The following ZNF738 variants were observed in gnomAD, a reference collection of about 807,000 sequenced individuals.
ZNF738 encodes the protein zinc finger protein 738.
Under a neutral mutation model 9.2 loss-of-function variants are expected in ZNF738, and 10 were observed. The ratio of observed to expected loss-of-function variants is 1.09; its 90% CI spans 0.67 to 1.85. ZNF738 has a LOEUF of 1.85. Ranked by LOEUF, ZNF738 falls within the 40% of genes most tolerant of loss-of-function variation. The pLI is 0.00. For missense variants in ZNF738, 346 were observed against 283.6 expected (o/e 1.22, Z -1.58); for synonymous variants, 113 against 94.5 (o/e 1.20, Z -1.14).
chr19:21,386,369 C>A lies in ZNF738; in HGVS notation c.*2695C>A. 1 of 316,260 alleles carries A rather than the reference C, an allele frequency of 3.2e-6. No individual in the cohort carries two copies. The highest frequency in any genetic ancestry group is 3.2e-5 in the South Asian group (1 of 31,270). The allele number at this position is 316,260 out of a possible 1,614,324, so 19.6% of individuals were successfully genotyped here. A position where few individuals can be genotyped will look rare whatever the true frequency, so the allele number is the denominator to read the frequency against. ...CCATGTGGCAAAGCTTTTAATCAAT[C>A]CTCAAACCTTACTAAACATAAGATA... On this transcript the variant is annotated 3_prime_UTR_variant, in exon 5 of 5. Coordinates refer to ENST00000683779, the MANE Select transcript of ZNF738 (RefSeq NM_001355237.2).
In ZNF738 at chr19:21,382,940, A is replaced by G. The variant is rs1326526346; in HGVS notation, c.394A>G (p.Arg132Gly). 1 of 601,226 alleles carries G rather than the reference A, an allele frequency of 1.7e-6. No individual in the cohort carries two copies. The highest frequency in any genetic ancestry group is 3.0e-5 in the East Asian group (1 of 33,080). 37.2% of individuals were successfully genotyped at this position (601,226 alleles called of 1,614,324 possible). ...IKDSFQKVILREYGNYGHKDL... is the reference protein window; with the variant it reads ...IKDSFQKVILGEYGNYGHKDL... ...AGATTCTTTCCAAAAAGTGATACTG[A>G]GAGAATATGGAAATTATGGACATAA... is the stretch of plus-strand genomic sequence containing the variant. Residue 132 changes from arginine to glycine, a missense_variant, in exon 5 of 5, where the codon AGA (arginine) becomes GGA (glycine). Coordinates refer to ENST00000683779, the MANE Select transcript of ZNF738 (RefSeq NM_001355237.2).
chr19:21,369,112 T>G (rs1257179987), intron 2 of ZNF738, among the ~76,000 whole-genome samples: 1 of 152,094 alleles, frequency 6.6e-6, no homozygotes, highest in Non-Finnish European at 1.5e-5. Flanking sequence ...ATCTTTATTT[T>G]ATTTTTGGAG....
At chr19:21,382,336 G>A (rs1974016887) in intron 4 of ZNF738, among the ~76,000 whole-genome samples, 1 of 151,730 alleles carries the variant, frequency 6.6e-6, no homozygotes, top group African/African-American at 2.4e-5. Flanking sequence ...CTGTTTCCTG[G>A]GTTCAAACAA....
At position 21,386,495 on chromosome 19, in the gene ZNF738, A is replaced by T. The variant is rs1568372835; in HGVS notation, c.*2821A>T. 1 of 371,226 alleles carries T rather than the reference A, an allele frequency of 2.7e-6. No homozygotes were observed. The highest frequency in any genetic ancestry group is 5.5e-6 in the Non-Finnish European group (1 of 181,920). 23.0% of individuals were successfully genotyped at this position (371,226 alleles called of 1,614,324 possible). On this transcript the variant is annotated 3_prime_UTR_variant, in exon 5 of 5. Transcript: ENST00000683779. Reference sequence around the variant, plus strand: ...CATAACATAATTCATACTGGAGAGAAACCTCACAACTGTGAAGAATGTGGC... The same window carrying T: ...CATAACATAATTCATACTGGAGAGATACCTCACAACTGTGAAGAATGTGGC...
chr19:21,372,534 A>G (rs1973869640), intron 2 of ZNF738: 1 of 152,202 alleles, frequency 6.6e-6, no homozygotes, highest in Non-Finnish European at 1.5e-5. Context: ...ACATTTTAAG[A>G]TCTTAATTTT....
At chr19:21,369,994 A>G (rs570106672) in intron 2 of ZNF738, among the ~76,000 whole-genome samples, 1 of 152,070 alleles carries the variant, frequency 6.6e-6, no homozygotes, top group African/African-American at 2.4e-5. Context: ...TCGTATTTTT[A>G]GTAGAGATTG....
At chr19:21,364,762 TTTG>T (rs1360246110) in intron 2 of ZNF738, among the ~76,000 whole-genome samples, 13 of 128,572 alleles carry the variant, frequency 1.0e-4, no homozygotes, top group Admixed American at 3.1e-4. Context: ...TTTTTTTTTT[TTTG>T]AGAGGGAGTC....
At position 21,388,136 on chromosome 19, in the gene ZNF738, A is replaced by G. The variant is rs564341073; in HGVS notation, c.*4462A>G. 7.2e-5 allele frequency among the ~76,000 whole-genome samples: 11 copies of G among 152,314 alleles called. No individual in the cohort carries two copies. Among genetic ancestry groups the G allele is most frequent in the Non-Finnish European group, 1.5e-5 (1 of 68,012 alleles). On this transcript the variant is annotated 3_prime_UTR_variant, in exon 5 of 5. Coordinates refer to ENST00000683779, the MANE Select transcript of ZNF738 (RefSeq NM_001355237.2). The stretch of plus-strand genomic sequence containing the variant: ...AATAATCTAAAACTAAAGTTGATAG[A>G]AAAAGTATTTGTATATAAATTTAAG...
chr19:21,384,083 A>G lies in ZNF738; in HGVS notation c.*409A>G. The G allele has an allele frequency of 6.4e-7, 1 of 1,556,706 alleles. No individual in the cohort carries two copies. Among genetic ancestry groups the G allele is most frequent in the Non-Finnish European group, 8.8e-7 (1 of 1,132,006 alleles). On this transcript the variant is annotated 3_prime_UTR_variant, in exon 5 of 5. Transcript: ENST00000683779. The stretch of plus-strand genomic sequence containing the variant: ...TTCACACTGGAGAGAAACCCTACAA[A>G]TGTGAAGAATGTGGCAAAGCTTTCT...
At chr19:21,381,202 C>T (rs1973999247) in intron 4 of ZNF738, 2 of 1,452,910 alleles carry the variant, frequency 1.4e-6, no homozygotes, top group East Asian at 4.6e-5. Context: ...AACCTACAGC[C>T]AGAAGAGTCC....
At chr19:21,377,404 A>G in intron 4 of ZNF738, 1 of 704,814 alleles carries the variant, frequency 1.4e-6, no homozygotes, top group South Asian at 1.5e-5. Flanking sequence ...GGGGTATTGA[A>G]ATTTCCTACT....
In ZNF738 at chr19:21,368,978, T is replaced by A. The variant is rs184668575; in HGVS notation, c.97-6260T>A. Among the ~76,000 whole-genome samples the A allele has an allele frequency of 4.6e-5, 7 of 152,308 alleles. No homozygotes were observed. In the South Asian group the frequency reaches 1.0e-3, roughly 23 times the overall value. On this transcript the variant is annotated intron_variant, in intron 2 of 4. Coordinates refer to ENST00000683779, the MANE Select transcript of ZNF738 (RefSeq NM_001355237.2). ...GTCTTGAACTCCTGATCTCAAGTAA[T>A]CCATCTGCGTCAGCCTCCCAAAGTG...
At chr19:21,364,224 C>G (rs1411840769) in intron 2 of ZNF738, among the ~76,000 whole-genome samples, 2 of 127,948 alleles carry the variant, frequency 1.6e-5, no homozygotes, top group South Asian at 5.1e-4. Context: ...TCAAAAAGAG[C>G]ATTGCAACAG....
chr19:21,363,842 C>T (rs1012606411), intron 2 of ZNF738, among the ~76,000 whole-genome samples: 9 of 147,654 alleles, frequency 6.1e-5, no homozygotes, highest in East Asian at 2.0e-4. Context: ...GAGCCGATAA[C>T]GGTCCCACTG....
At chr19:21,362,099 TAATAATAATAA>T (rs1973706257) in intron 2 of ZNF738, among the ~76,000 whole-genome samples, 1 of 6,706 alleles carries the variant, frequency 1.5e-4, no homozygotes, top group Non-Finnish European at 2.5e-4. Flanking sequence ...ATAATAATGA[TAATAATAATAA>T]TAATAATAAT....
rs532710446 is a variant in ZNF738 at position 21,359,741 on chromosome 19, GT to G, written c.3+599del. Among the ~76,000 whole-genome samples, 709 of 152,170 alleles carry G rather than the reference GT, an allele frequency of 4.7e-3. 6 individuals carry two copies. The highest frequency in any genetic ancestry group is 0.014 in the South Asian group (68 of 4,794). ...AAATACAAAAAATGAGCCGGGCGTG[GT>G]GGCGGGCGCCTGTAGTCCCAGCTAC... On this transcript the variant is annotated intron_variant, in intron 1 of 4. Coordinates refer to ENST00000683779, the MANE Select transcript of ZNF738 (RefSeq NM_001355237.2).
At chr19:21,361,926 A>G (rs567032658) in intron 2 of ZNF738, 68 bp downstream of exon 2, 276 of 682,576 alleles carry the variant, frequency 4.0e-4, no homozygotes, top group South Asian at 1.5e-3. Flanking sequence ...TAAAAATACA[A>G]AAAACTTAGC....
intron 2 of ZNF738, among the ~76,000 whole-genome samples, chr19:21,365,113 A>G (rs983248820): frequency 3.3e-5 from 5 of 151,886 alleles, no homozygotes; most frequent in Non-Finnish European, 7.4e-5. Context: ...CCCATTGTAG[A>G]CCATATAGGG....
rs1974037414 is a variant in ZNF738 at position 21,383,977 on chromosome 19, A to G, written c.*303A>G. 1.4e-6 allele frequency: 2 copies of G among 1,456,154 alleles called. No homozygotes were observed. Among genetic ancestry groups the G allele is most frequent in the Admixed American group, 1.7e-5 (1 of 59,386 alleles). The allele number at this position is 1,456,154 out of a possible 1,614,324, so 90.2% of individuals were successfully genotyped here. A position where few individuals can be genotyped will look rare whatever the true frequency, so the allele number is the denominator to read the frequency against. On this transcript the variant is annotated 3_prime_UTR_variant, in exon 5 of 5. Transcript: ENST00000683779. ...TACCTTACTGCACATAAGTTGATTC[A>G]TACTGGAGAGAAACCCTACAAATGT...
Sources: gnomAD v4.1 joint callset for allele counts (sites outside exome capture counted in the v4.1 genomes callset) on GRCh38, gnomAD v4.1.1 for gene constraint, MANE v1.5 for transcripts, NCBI Gene and HGNC (gene_info 2026-07-23, HGNC 2026-07-21) for gene names.